Variants in DHRSX observed in about 807,000 individuals in gnomAD.
DHRSX encodes the protein polyprenol dehydrogenase.
A neutral mutation model predicts 34.0 loss-of-function variants in DHRSX; 31 were observed. The observed-to-expected ratio is 0.91, with a 90% confidence interval of 0.69 to 1.23. DHRSX has a LOEUF of 1.23. DHRSX is among the 50% of genes most tolerant of loss of function. The pLI, the probability that DHRSX is intolerant of heterozygous loss-of-function variation, is 0.00. For missense variants in DHRSX, 414 were observed against 428.1 expected (o/e 0.97, Z 0.29); for synonymous variants, 201 against 183.8 (o/e 1.09, Z -0.76).
In DHRSX at chrX:2,425,207, A is replaced by G. The variant is rs201283644; in HGVS notation, c.207T>C (p.His69=). 34 of 1,613,292 alleles carry G rather than the reference A, an allele frequency of 2.1e-5. No individual in the cohort carries two copies. Among genetic ancestry groups the G allele is most frequent in the Non-Finnish European group, 2.6e-5 (31 of 1,179,418 alleles). The change falls in exon 2 of 7, where the codon CAT becomes CAC. Residue 69 remains histidine, a synonymous_variant. Coordinates refer to ENST00000334651, the MANE Select transcript of DHRSX (RefSeq NM_145177.3). ...TAKHLARLGM[H]VIIAGNNDSK... is the part of the protein sequence containing the mutation. The stretch of plus-strand genomic sequence containing the variant: ...TGTAAAAGTCATCACCTATGATAAC[A>G]TGCATGCCAAGTCTCGCCAGATGCT...
At chrX:2,406,110 G>A (rs2043551687) in intron 3 of DHRSX, among the ~76,000 whole-genome samples, 1 of 152,018 alleles carries the variant, frequency 6.6e-6, no homozygotes, top group Non-Finnish European at 1.5e-5. Context: ...TGGCCAACAT[G>A]GCGAAACCCC....
intron 6 of DHRSX, among the ~76,000 whole-genome samples, chrX:2,226,166 T>C (rs910401850): frequency 1.6e-4 from 24 of 152,242 alleles, no homozygotes; most frequent in Non-Finnish European, 2.9e-4. Context: ...AGGTGACTTC[T>C]CTCCTGACTG....
At chrX:2,468,663 A>G (rs968073667) in intron 1 of DHRSX, among the ~76,000 whole-genome samples, 3 of 151,750 alleles carry the variant, frequency 2.0e-5, no homozygotes, top group African/African-American at 7.3e-5. Flanking sequence ...GAATGTGGCC[A>G]AGGGACCTCC....
intron 3 of DHRSX, among the ~76,000 whole-genome samples, chrX:2,397,942 A>ACG (rs1476136385): frequency 1.3e-5 from 2 of 150,106 alleles, no homozygotes; most frequent in African/African-American, 5.0e-5. Context: ...ACACACACAC[A>ACG]CACACACACA....
chrX:2,320,035 G>A (rs1465826150), intron 3 of DHRSX, among the ~76,000 whole-genome samples: 1 of 151,748 alleles, frequency 6.6e-6, no homozygotes, highest in African/African-American at 2.4e-5. Flanking sequence ...CACCATGTTG[G>A]TCAGGCTGGT....
At chrX:2,225,147 TAC>T (rs967186075) in intron 6 of DHRSX, among the ~76,000 whole-genome samples, 77 of 136,866 alleles carry the variant, frequency 5.6e-4, no homozygotes, top group Middle Eastern at 0.011. Context: ...CATTCACATG[TAC>T]ACACATTCAC....
At chrX:2,467,229 T>C (rs2044510525) in intron 1 of DHRSX, among the ~76,000 whole-genome samples, 1 of 152,132 alleles carries the variant, frequency 6.6e-6, no homozygotes, top group African/African-American at 2.4e-5. Flanking sequence ...AAGGATTCCT[T>C]TCTACGTAGA....
chrX:2,342,677 C>T (rs1240701186), intron 3 of DHRSX, among the ~76,000 whole-genome samples: 1 of 152,188 alleles, frequency 6.6e-6, no homozygotes, highest in Non-Finnish European at 1.5e-5. Flanking sequence ...CACTGACAGA[C>T]TCTCTTCCAT....
chrX:2,303,359 G>A (rs368263469), intron 3 of DHRSX, among the ~76,000 whole-genome samples: 3 of 152,184 alleles, frequency 2.0e-5, no homozygotes, highest in East Asian at 3.9e-4. Context: ...GATTTCTCAC[G>A]AATGGGTTAG....
rs2041914854 is a variant in DHRSX at position 2,294,950 on chromosome X, A to C, written c.287-3347T>G. Among the ~76,000 whole-genome samples, 2 of 152,164 alleles carry C rather than the reference A, an allele frequency of 1.3e-5. 1 individual carries two copies. Among genetic ancestry groups the C allele is most frequent in the Admixed American group, 1.3e-4 (2 of 15,270 alleles). On this transcript the variant is annotated intron_variant, in intron 3 of 6. Transcript: ENST00000334651. ...AAAGGAAATGGAGAGGATTTGGAGA[A>C]ATAGGAACATTTTTACACCGTTGGT...
At chrX:2,244,134 T>C (rs2016223238) in intron 5 of DHRSX, among the ~76,000 whole-genome samples, 1 of 152,114 alleles carries the variant, frequency 6.6e-6, no homozygotes, top group Non-Finnish European at 1.5e-5. Flanking sequence ...TTTGGCAAAC[T>C]TCCCAAGCTA....
At chrX:2,248,505 C>T (rs749996061) in intron 5 of DHRSX, among the ~76,000 whole-genome samples, 90 of 144,382 alleles carry the variant, frequency 6.2e-4, no homozygotes, top group Non-Finnish European at 9.3e-4. Context: ...CCCAGCTACT[C>T]GGGAGGCTGA....
chrX:2,259,317 T>TAG, intron 5 of DHRSX, among the ~76,000 whole-genome samples: 1 of 147,092 alleles, frequency 6.8e-6, no homozygotes, highest in East Asian at 2.0e-4. Flanking sequence ...GATATAGATA[T>TAG]ATAGATAGAT....
intron 1 of DHRSX, chrX:2,487,937 CATG>C (rs2044990356): frequency 6.6e-6 from 1 of 151,998 alleles, no homozygotes; most frequent in African/African-American, 2.4e-5. Context: ...AGAAGTCACA[CATG>C]ATGATCGGGA....
intron 3 of DHRSX, among the ~76,000 whole-genome samples, chrX:2,350,274 TTG>T (rs1235644484): frequency 6.8e-6 from 1 of 146,812 alleles, no homozygotes; most frequent in Non-Finnish European, 1.5e-5. Flanking sequence ...TCATTTGAAC[TTG>T]GGAGGCGGAG....
intron 3 of DHRSX, among the ~76,000 whole-genome samples, chrX:2,342,351 G>C (rs1393479097): frequency 6.6e-6 from 1 of 152,002 alleles, no homozygotes. Flanking sequence ...CTCACTCCTT[G>C]TGTCTCTGAG....
intron 3 of DHRSX, among the ~76,000 whole-genome samples, chrX:2,381,498 T>G (rs2043202264): frequency 6.6e-6 from 1 of 151,900 alleles, no homozygotes; most frequent in Admixed American, 6.6e-5. Context: ...GGCGCATGCC[T>G]GTAATCCCAG....
At chrX:2,438,008 G>GGAA (rs1556517276) in intron 1 of DHRSX, among the ~76,000 whole-genome samples, 6 of 147,226 alleles carry the variant, frequency 4.1e-5, no homozygotes, top group Non-Finnish European at 3.0e-5. Flanking sequence ...TAACCATGGG[G>GGAA]AAAAAAAAAA....
At chrX:2,436,497 TTACTAC>T (rs781495573) in intron 1 of DHRSX, among the ~76,000 whole-genome samples, 1 of 132,144 alleles carries the variant, frequency 7.6e-6, no homozygotes, top group Non-Finnish European at 1.6e-5. Context: ...ATTATTATTA[TTACTAC>T]TACTACTACT....
Sources: gnomAD v4.1 joint callset for allele counts (sites outside exome capture counted in the v4.1 genomes callset) on GRCh38, gnomAD v4.1.1 for gene constraint, MANE v1.5 for transcripts, NCBI Gene and HGNC (gene_info 2026-07-23, HGNC 2026-07-21) for gene names.